CNBD1: variants seen among roughly 807,000 people sequenced by gnomAD.
CNBD1 encodes the protein cyclic nucleotide binding domain containing 1.
Under a neutral mutation model 54.4 loss-of-function variants are expected in CNBD1, and 71 were observed. The observed-to-expected ratio is 1.30, with a 90% CI of 1.08 to 1.59. CNBD1 has a LOEUF of 1.59. Ranked by LOEUF, CNBD1 falls within the 40% of genes most tolerant of loss-of-function variation. The pLI is 0.00. For synonymous variants in CNBD1, 182 were observed against 170.7 expected (o/e 1.07, Z -0.51); for missense variants, 659 against 518.0 (o/e 1.27, Z -2.64).
At chr8:86,934,373 A>G (rs1462808114) in intron 3 of CNBD1, among the ~76,000 whole-genome samples, 2 of 152,172 alleles carry the variant, frequency 1.3e-5, no homozygotes, top group South Asian at 2.1e-4. Context: ...TTTTATACCA[A>G]TTTTATTGTC....
At chr8:86,977,450 T>A (rs1586175616) in intron 4 of CNBD1, among the ~76,000 whole-genome samples, 3 of 151,048 alleles carry the variant, frequency 2.0e-5, no homozygotes, top group Admixed American at 6.6e-5. Flanking sequence ...TTGAGTTGAC[T>A]GATTATTTCT....
intron 8 of CNBD1, among the ~76,000 whole-genome samples, chr8:87,325,874 A>C (rs1809657042): frequency 7.1e-6 from 1 of 141,460 alleles, no homozygotes; most frequent in South Asian, 2.3e-4. Flanking sequence ...TTTGCTCGTT[A>C]GTTGATGCAG....
intron 1 of CNBD1, among the ~76,000 whole-genome samples, chr8:86,876,183 TTGTG>T (rs60866236): frequency 0.14 from 21,606 of 150,312 alleles, 2,188 homozygotes; most frequent in African/African-American, 0.29. Flanking sequence ...GTGTGTGTGT[TTGTG>T]TGTGTGTGTG....
chr8:87,350,635 C>A (rs17632240), intron 8 of CNBD1, among the ~76,000 whole-genome samples: 1 of 151,644 alleles, frequency 6.6e-6, no homozygotes, highest in Non-Finnish European at 1.5e-5. Context: ...AATAGGGATG[C>A]CTTCAAGTGA....
intron 6 of CNBD1, among the ~76,000 whole-genome samples, chr8:87,266,766 T>C (rs1196845667): frequency 6.6e-6 from 1 of 152,020 alleles, no homozygotes; most frequent in Non-Finnish European, 1.5e-5. Context: ...AAGAACTCGA[T>C]GTAGAACAGT....
chr8:86,939,500 A>C, intron 3 of CNBD1, 96 bp from the exon 4 acceptor site: 1 of 800,396 alleles, frequency 1.2e-6, no homozygotes, highest in Non-Finnish European at 1.9e-6. Flanking sequence ...ATTTTCTCAA[A>C]ACAGTGCATT....
At chr8:87,231,547 A>G (rs1807429906) in intron 5 of CNBD1, among the ~76,000 whole-genome samples, 1 of 152,196 alleles carries the variant, frequency 6.6e-6, no homozygotes, top group African/African-American at 2.4e-5. Flanking sequence ...TAGGGTTATA[A>G]TATGTTTAGA....
chr8:87,177,074 TAC>T (rs945242820), intron 4 of CNBD1, among the ~76,000 whole-genome samples: 2 of 152,158 alleles, frequency 1.3e-5, no homozygotes, highest in Non-Finnish European at 2.9e-5. Flanking sequence ...TATATAAATG[TAC>T]AGAGTTGTTA....
chr8:86,989,713 A>G (rs1408340920), intron 4 of CNBD1, among the ~76,000 whole-genome samples: 3 of 152,118 alleles, frequency 2.0e-5, no homozygotes, highest in Admixed American at 6.5e-5. Context: ...GGCCTCCCAA[A>G]GTGTTAGGAT....
chr8:86,928,983 C>T (rs545727337), intron 3 of CNBD1, among the ~76,000 whole-genome samples: 16 of 152,310 alleles, frequency 1.1e-4, no homozygotes, highest in Non-Finnish European at 1.6e-4. Flanking sequence ...TGAAAGTCCC[C>T]ATTCTTTTTC....
chr8:87,069,607 C>G (rs1407462307), intron 4 of CNBD1, among the ~76,000 whole-genome samples: 1 of 151,954 alleles, frequency 6.6e-6, no homozygotes, highest in Non-Finnish European at 1.5e-5. Flanking sequence ...AATTGCCTAA[C>G]AAGGAATTTC....
intron 8 of CNBD1, among the ~76,000 whole-genome samples, chr8:87,319,559 T>A (rs1281512337): frequency 6.6e-6 from 1 of 152,052 alleles, no homozygotes; most frequent in Non-Finnish European, 1.5e-5. Context: ...ATTGGAAAAT[T>A]TCTACTATAC....
rs374068423 is a variant in CNBD1, at chr8:87,091,860, T to C, written c.432-114133T>C. Among the ~76,000 whole-genome samples, 11 of 152,252 alleles carry C rather than the reference T, an allele frequency of 7.2e-5. No individual in the cohort carries two copies. The East Asian group carries it at 1.5e-3, about 21-fold the overall frequency. On this transcript the variant is annotated intron_variant, in intron 4 of 10. Coordinates refer to ENST00000518476, the MANE Select transcript of CNBD1 (RefSeq NM_173538.3). The stretch of plus-strand genomic sequence containing the variant: ...CACACACACACACGTTCAGCAATTA[T>C]GAAATATATAGGACATGTGTGTCTA...
intron 2 of CNBD1, among the ~76,000 whole-genome samples, chr8:87,418,843 C>T (rs990827172): frequency 2.0e-5 from 3 of 151,836 alleles, no homozygotes; most frequent in African/African-American, 7.2e-5. Flanking sequence ...AACCCTTATA[C>T]ATAGCTGATG....
intron 3 of CNBD1, among the ~76,000 whole-genome samples, chr8:86,907,794 G>A (rs914160990): frequency 1.3e-5 from 2 of 152,082 alleles, no homozygotes; most frequent in Admixed American, 6.6e-5. Context: ...CACATTCAGT[G>A]TGATATATCT....
chr8:87,367,603 T>C (rs1298224137), intron 10 of CNBD1, among the ~76,000 whole-genome samples: 1 of 152,160 alleles, frequency 6.6e-6, no homozygotes, highest in East Asian at 1.9e-4. Context: ...CACTTTTTAA[T>C]TACCTTGAAG....
chr8:87,242,425 C>G (rs149246939), intron 6 of CNBD1, among the ~76,000 whole-genome samples: 11 of 152,160 alleles, frequency 7.2e-5, no homozygotes, highest in Non-Finnish European at 2.9e-5. Flanking sequence ...ACTTTGGTAG[C>G]CACAACCCTT....
chr8:87,097,536 C>G (rs1018323742), intron 4 of CNBD1, among the ~76,000 whole-genome samples: 2 of 152,166 alleles, frequency 1.3e-5, no homozygotes, highest in African/African-American at 4.8e-5. Context: ...ATAATTATAG[C>G]CTTCACAGTG....
At chr8:86,888,732 A>G (rs1343502576) in intron 2 of CNBD1, among the ~76,000 whole-genome samples, 1 of 152,122 alleles carries the variant, frequency 6.6e-6, no homozygotes, top group African/African-American at 2.4e-5. Context: ...CAAGCTTTGA[A>G]TCTATCTTAT....
Sources: gnomAD v4.1 joint callset for allele counts (sites outside exome capture counted in the v4.1 genomes callset) on GRCh38, gnomAD v4.1.1 for gene constraint, MANE v1.5 for transcripts, NCBI Gene and HGNC (gene_info 2026-07-23, HGNC 2026-07-21) for gene names.